Variants in SPATS2L observed in about 807,000 individuals in gnomAD.
SPATS2L encodes the protein SPATS2-like protein.
SPATS2L carries 30 observed loss-of-function variants against 59.6 expected under a neutral mutation model. That is an observed-to-expected ratio of 0.50 (90% CI 0.38 to 0.68). SPATS2L has a LOEUF of 0.68. Ranked by LOEUF, SPATS2L falls within the 30% of genes least tolerant of loss-of-function variation. The probability of loss-of-function intolerance (pLI) is 0.00; values close to 1 mark genes in which losing one functional copy is unlikely to be tolerated. For synonymous variants in SPATS2L, 252 were observed against 263.5 expected, an observed-to-expected ratio of 0.96 and a Z score of 0.42; for missense variants, 615 against 700.0, an observed-to-expected ratio of 0.88 and a Z score of 1.37.
At chr2:200,408,824 G>T (rs2082775935) in intron 3 of SPATS2L, among the ~76,000 whole-genome samples, 1 of 152,274 alleles carries the variant, frequency 6.6e-6, no homozygotes, top group Non-Finnish European at 1.5e-5. Flanking sequence ...GCCCCAGAGA[G>T]AGGAGAGGAT....
At chr2:200,344,154 A>C (rs1479264974) in intron 2 of SPATS2L, among the ~76,000 whole-genome samples, 1 of 152,036 alleles carries the variant, frequency 6.6e-6, no homozygotes, top group Non-Finnish European at 1.5e-5. Flanking sequence ...TTTGTTTTAC[A>C]GATTATGTCA....
chr2:200,409,494 AT>A (rs939706432), intron 3 of SPATS2L, among the ~76,000 whole-genome samples: 1 of 152,184 alleles, frequency 6.6e-6, no homozygotes, highest in Non-Finnish European at 1.5e-5. Context: ...TCTCAAAGAC[AT>A]TTCCATAGGA....
At position 200,335,400 on chromosome 2, in the gene SPATS2L, A is replaced by G. The variant is rs535633800; in HGVS notation, c.-23+5920A>G. Among the ~76,000 whole-genome samples the G allele has an allele frequency of 2.1e-3, 315 of 151,960 alleles. 2 individuals carry two copies. Among genetic ancestry groups the G allele is most frequent in the African/African-American group, 7.2e-3 (298 of 41,526 alleles). ...TCTCAAAAAAAAAAGAAAGAAAAAAAAAAGAAGATAGTGCTTGCCTCTAAG... is the reference window on the plus strand; with the variant it reads ...TCTCAAAAAAAAAAGAAAGAAAAAAGAAAGAAGATAGTGCTTGCCTCTAAG... On this transcript the variant is annotated intron_variant, in intron 2 of 12. Transcript: ENST00000409140.
intron 2 of SPATS2L, among the ~76,000 whole-genome samples, chr2:200,353,447 T>C (rs2080807462): frequency 6.6e-6 from 1 of 152,202 alleles, no homozygotes; most frequent in African/African-American, 2.4e-5. Context: ...CTGCCTGTTA[T>C]GAAAATAAAC....
intron 6 of SPATS2L, among the ~76,000 whole-genome samples, chr2:200,434,970 G>T (rs2084182370): frequency 6.6e-6 from 1 of 152,118 alleles, no homozygotes; most frequent in Non-Finnish European, 1.5e-5. Flanking sequence ...AGCTAGATCG[G>T]TGGAATAGAA....
At position 200,332,996 on chromosome 2, in the gene SPATS2L, A is replaced by G. The variant is rs181456720; in HGVS notation, c.-23+3516A>G. 3.3e-5 allele frequency among the ~76,000 whole-genome samples: 5 copies of G among 152,212 alleles called. No homozygotes were observed. The East Asian group carries it at 9.6e-4, about 29-fold the overall frequency. On this transcript the variant is annotated intron_variant, in intron 2 of 12. Coordinates refer to ENST00000409140, the MANE Select transcript of SPATS2L (RefSeq NM_001100423.2). The stretch of plus-strand genomic sequence containing the variant: ...ACAGACATGATGTTGAAAGACAGAT[A>G]TGGCCTGGGTTTGTTAGCTCATGCC...
intron 2 of SPATS2L, among the ~76,000 whole-genome samples, chr2:200,363,940 A>C (rs1232026805): frequency 6.6e-6 from 1 of 152,244 alleles, no homozygotes; most frequent in Non-Finnish European, 1.5e-5. Context: ...TGAATAGGTC[A>C]TGAATTCTCA....
chr2:200,462,827 G>T (rs956924509), intron 9 of SPATS2L, among the ~76,000 whole-genome samples: 4 of 152,132 alleles, frequency 2.6e-5, no homozygotes, highest in Non-Finnish European at 5.9e-5. Context: ...TCTAGAGGAT[G>T]AGAGGGGAGA....
At chr2:200,319,165 G>A (rs7605146) in intron 1 of SPATS2L, among the ~76,000 whole-genome samples, 55,199 of 152,000 alleles carry the variant, frequency 0.36, 11,365 homozygotes, top group East Asian at 0.72. Flanking sequence ...TCTCCTCCTC[G>A]AAGTCTTCTC....
At chr2:200,409,526 T>G (rs1390654871) in intron 3 of SPATS2L, among the ~76,000 whole-genome samples, 1 of 152,224 alleles carries the variant, frequency 6.6e-6, no homozygotes, top group African/African-American at 2.4e-5. Context: ...AGTGAATTTA[T>G]AAATAACAGG....
At chr2:200,309,352 C>T (rs367840476) in intron 1 of SPATS2L, among the ~76,000 whole-genome samples, 1 of 152,146 alleles carries the variant, frequency 6.6e-6, no homozygotes, top group African/African-American at 2.4e-5. Flanking sequence ...GGTTGCTCTT[C>T]GTAAGATCTA....
intron 2 of SPATS2L, among the ~76,000 whole-genome samples, chr2:200,345,908 G>A (rs2080497047): frequency 6.6e-6 from 1 of 152,154 alleles, no homozygotes; most frequent in African/African-American, 2.4e-5. Context: ...GTGGGAAGCA[G>A]TTGAAGCAAA....
chr2:200,403,573 C>G (rs2082598654), intron 3 of SPATS2L, among the ~76,000 whole-genome samples: 2 of 152,172 alleles, frequency 1.3e-5, no homozygotes, highest in Admixed American at 1.3e-4. Context: ...TAGCCTTTCT[C>G]TAGTGTTCCA....
chr2:200,473,093 A>AG (rs1363364143), intron 12 of SPATS2L, 41 bp downstream of exon 12: 1 of 1,524,312 alleles, frequency 6.6e-7, no homozygotes, highest in East Asian at 2.4e-5. Context: ...GAAAAAAAAA[A>AG]AAAAACCTGT....
At chr2:200,324,199 T>A (rs764917954) in intron 1 of SPATS2L, among the ~76,000 whole-genome samples, 1 of 152,344 alleles carries the variant, frequency 6.6e-6, no homozygotes, top group Non-Finnish European at 1.5e-5. Flanking sequence ...GATTTGCTCA[T>A]TGACCACCCT....
chr2:200,338,330 T>A (rs2080210678), intron 2 of SPATS2L, among the ~76,000 whole-genome samples: 1 of 152,176 alleles, frequency 6.6e-6, no homozygotes, highest in African/African-American at 2.4e-5. Context: ...CAGCCCCAGA[T>A]TAACTCTGAT....
At chr2:200,471,326 C>T (rs2087015679) in intron 11 of SPATS2L, among the ~76,000 whole-genome samples, 1 of 152,146 alleles carries the variant, frequency 6.6e-6, no homozygotes, top group African/African-American at 2.4e-5. Context: ...CTATCCCCAG[C>T]TTTTGCCCCA....
chr2:200,345,027 T>C (rs1369529477), intron 2 of SPATS2L, among the ~76,000 whole-genome samples: 1 of 152,248 alleles, frequency 6.6e-6, no homozygotes, highest in East Asian at 1.9e-4. Context: ...GTCTGTTTGC[T>C]CTGTTGATTG....
chr2:200,415,620 G>A (rs2083028545), intron 4 of SPATS2L, among the ~76,000 whole-genome samples: 1 of 152,106 alleles, frequency 6.6e-6, no homozygotes, highest in South Asian at 2.1e-4. Flanking sequence ...AACATGGATT[G>A]CAGCTGGCCA....
Sources: allele counts gnomAD v4.1 joint callset (sites outside exome capture counted in the v4.1 genomes callset), GRCh38; gene constraint gnomAD v4.1.1; transcripts MANE v1.5; gene names NCBI Gene and HGNC (gene_info 2026-07-23, HGNC 2026-07-21).